GIGYF2: variants seen among roughly 807,000 people sequenced by gnomAD.
The protein encoded by GIGYF2 is GRB10-interacting GYF protein 2.
GIGYF2 carries 25 observed loss-of-function variants against 208.1 expected under a neutral mutation model. The ratio of observed to expected loss-of-function variants is 0.12; its 90% CI spans 0.09 to 0.17. The LOEUF is 0.17. GIGYF2 is among the 10% of genes least tolerant of loss of function. GIGYF2 has a pLI of 1.00. For synonymous variants in GIGYF2, 534 were observed against 543.8 expected (o/e 0.98, Z 0.25); for missense variants, 1,302 against 1,579.4 (o/e 0.82, Z 2.98).
At chr2:232,752,875 C>G (rs12990821) in intron 5 of GIGYF2, among the ~76,000 whole-genome samples, 48,060 of 151,836 alleles carry the variant, frequency 0.32, 7,967 homozygotes, top group South Asian at 0.62. Flanking sequence ...GTATATATAC[C>G]TAACAAAATT....
chr2:232,722,403 C>T (rs1696985662), intron 2 of GIGYF2, among the ~76,000 whole-genome samples: 1 of 152,086 alleles, frequency 6.6e-6, no homozygotes, highest in Non-Finnish European at 1.5e-5. Context: ...CTGATGAGAA[C>T]AGCATGGGGG....
Position 232,812,393 on chromosome 2 carries a change from T to C in GIGYF2, c.2009T>C (p.Ile670Thr). ...AATTTTTTATTTCCCTTTTGCAGAA[T>C]ATCTGATCAGAACATCATTCCCTCA... ...LQQFQTLKMR[I>T]SDQNIIPSVT... is the part of the protein sequence containing the mutation. The change falls in exon 18 of 29, where the codon ATA becomes ACA. Residue 670 changes from isoleucine (I) to threonine (T), a missense_variant and splice_region_variant. Ile to Thr is a moderately conservative substitution (Grantham distance 89, BLOSUM62 -1). Around this residue, in one of 8 missense-constraint regions of GIGYF2, gnomAD observed 701 missense variants for 793.0 expected, o/e 0.88. Coordinates refer to ENST00000373563, the MANE Select transcript of GIGYF2 (RefSeq NM_001103146.3). The C allele has an allele frequency of 7.8e-7, 1 of 1,289,780 alleles. No individual in the cohort carries two copies. The highest frequency in any genetic ancestry group is 1.1e-6 in the Non-Finnish European group (1 of 884,212). 79.9% of individuals were successfully genotyped at this position (1,289,780 alleles called of 1,614,324 possible).
At chr2:232,827,614 T>A (rs1248332523) in intron 21 of GIGYF2, among the ~76,000 whole-genome samples, 2 of 152,212 alleles carry the variant, frequency 1.3e-5, no homozygotes, top group African/African-American at 4.8e-5. Flanking sequence ...TAGTTTGTGT[T>A]CCGTTTATCA....
At chr2:232,729,135 C>A (rs561101589) in intron 2 of GIGYF2, among the ~76,000 whole-genome samples, 1 of 152,098 alleles carries the variant, frequency 6.6e-6, no homozygotes, top group South Asian at 2.1e-4. Flanking sequence ...CATACCACCA[C>A]GCGTGACTAA....
At position 232,860,457 on chromosome 2, in the gene GIGYF2, A is replaced by G. The variant is rs535540928; in HGVS notation, c.*3597A>G. ...TTTTCAATATATATATAATATATACATATATGTTATATACGTATATATATT... is the reference window on the plus strand; with the variant it reads ...TTTTCAATATATATATAATATATACGTATATGTTATATACGTATATATATT... On this transcript the variant is annotated 3_prime_UTR_variant, in exon 29 of 29. Coordinates refer to ENST00000373563, the MANE Select transcript of GIGYF2 (RefSeq NM_001103146.3). 1.8e-4 allele frequency: 27 copies of G among 149,682 alleles called. No individual in the cohort carries two copies. Among genetic ancestry groups the G allele is most frequent in the African/African-American group, 5.6e-4 (23 of 41,070 alleles). 9.3% of individuals were successfully genotyped at this position (149,682 alleles called of 1,614,324 possible). A position where few individuals can be genotyped will look rare whatever the true frequency, so the allele number is the denominator to read the frequency against.
At chr2:232,733,877 G>A (rs1159904280) in intron 2 of GIGYF2, among the ~76,000 whole-genome samples, 4 of 152,118 alleles carry the variant, frequency 2.6e-5, no homozygotes, top group Admixed American at 2.6e-4. Context: ...TGGTACAGAC[G>A]CAATTAAAAA....
At chr2:232,850,232 G>A in intron 27 of GIGYF2, 30 bp from the exon 28 acceptor site, 1 of 1,601,214 alleles carries the variant, frequency 6.2e-7, no homozygotes, top group Non-Finnish European at 8.6e-7. Context: ...AATCTGCTGT[G>A]TAATCTCAGT....
intron 8 of GIGYF2, among the ~76,000 whole-genome samples, chr2:232,771,642 A>G (rs1699250162): frequency 6.6e-6 from 1 of 152,214 alleles, no homozygotes; most frequent in Admixed American, 6.5e-5. Context: ...TTTTCTAAGT[A>G]TATTTTAGAA....
chr2:232,751,712 C>G (rs965604109), intron 5 of GIGYF2, among the ~76,000 whole-genome samples: 3 of 152,002 alleles, frequency 2.0e-5, no homozygotes, highest in African/African-American at 7.2e-5. Flanking sequence ...CTACTAGTTA[C>G]CAAAATGTGG....
chr2:232,819,376 G>A (rs1701008614), intron 20 of GIGYF2, among the ~76,000 whole-genome samples: 1 of 152,102 alleles, frequency 6.6e-6, no homozygotes, highest in East Asian at 1.9e-4. Flanking sequence ...TGGGACACAT[G>A]GCTTTACTCA....
intron 21 of GIGYF2, 24 bp from the exon 22 acceptor site, chr2:232,832,833 T>A: frequency 6.7e-7 from 1 of 1,502,912 alleles, no homozygotes; most frequent in Non-Finnish European, 9.0e-7. Context: ...AATTTTTATA[T>A]CTTTAATTTT....
At chr2:232,829,823 GGC>G (rs1423908660) in intron 21 of GIGYF2, among the ~76,000 whole-genome samples, 3 of 152,214 alleles carry the variant, frequency 2.0e-5, no homozygotes, top group Non-Finnish European at 4.4e-5. Flanking sequence ...AGTGCCCTTA[GGC>G]AAAACATAAA....
In GIGYF2 at chr2:232,847,353, A is replaced by G. The variant is rs1702041701; in HGVS notation, c.3466A>G (p.Thr1156Ala). The change falls in exon 27 of 29, where the codon ACA (threonine) becomes GCA (alanine). Residue 1156 changes from threonine to alanine, a missense_variant. By Grantham distance (58) the Thr-to-Ala change is moderately conservative (BLOSUM62 0). Around this residue, in one of 8 missense-constraint regions of GIGYF2, gnomAD observed 701 missense variants for 793.0 expected, o/e 0.88. Coordinates refer to ENST00000373563, the MANE Select transcript of GIGYF2 (RefSeq NM_001103146.3). ...LNTANNLDVPTFVSFLKEVES... is the reference protein window; with the variant it reads ...LNTANNLDVPAFVSFLKEVES... ...TCTCCCCTCCCGTTTTGCAGTTCCCACATTTGTTTCTTTCCTGAAAGAAGT... is the reference window on the plus strand; with the variant it reads ...TCTCCCCTCCCGTTTTGCAGTTCCCGCATTTGTTTCTTTCCTGAAAGAAGT... The G allele has an allele frequency of 6.2e-7, 1 of 1,611,244 alleles. No homozygotes were observed. The highest frequency in any genetic ancestry group is 8.5e-7 in the Non-Finnish European group (1 of 1,178,008).
In GIGYF2 at chr2:232,816,968, T is replaced by C. The variant is rs1262978045; in HGVS notation, c.2306T>C (p.Leu769Pro). ...EELRRQQEEI[L>P]RRQQEEERKR... Reference sequence around the variant, plus strand: ...CTCCGAAGACAACAGGAGGAAATTCTTCGGCGACAGCAGGAAGAAGAAAGG... The same window carrying C: ...CTCCGAAGACAACAGGAGGAAATTCCTCGGCGACAGCAGGAAGAAGAAAGG... Residue 769 changes from leucine to proline, a missense_variant, in exon 20 of 29, where the codon CTT becomes CCT. Physicochemically the swap from Leu to Pro is moderately conservative, Grantham distance 98. This residue lies in a region of GIGYF2 where 701 missense variants were observed against 793.0 expected (regional missense o/e 0.88). Coordinates refer to ENST00000373563, the MANE Select transcript of GIGYF2 (RefSeq NM_001103146.3). The C allele has an allele frequency of 6.2e-7, 1 of 1,613,372 alleles. No individual in the cohort carries two copies. The highest frequency in any genetic ancestry group is 8.5e-7 in the Non-Finnish European group (1 of 1,179,474).
chr2:232,702,188 C>T (rs1342552746), intron 1 of GIGYF2, among the ~76,000 whole-genome samples: 1 of 152,082 alleles, frequency 6.6e-6, no homozygotes, highest in African/African-American at 2.4e-5. Context: ...CCTGTAATCC[C>T]AGCACTCTGG....
chr2:232,737,139 T>A (rs1487311297), intron 3 of GIGYF2, among the ~76,000 whole-genome samples: 1 of 152,246 alleles, frequency 6.6e-6, no homozygotes, highest in East Asian at 1.9e-4. Context: ...AGCCTAAACA[T>A]TAATTCTCTG....
rs1383467796 is a variant in GIGYF2 at position 232,832,862 on chromosome 2, G to A, written c.2535G>A (p.Glu845=). The A allele has an allele frequency of 1.3e-6, 2 of 1,551,788 alleles. No homozygotes were observed. Among genetic ancestry groups the A allele is most frequent in the African/African-American group, 2.7e-5 (2 of 73,006 alleles). ...KQEELLRKQE[E]EAAKWAREEE... is the part of the protein sequence containing the mutation. ...TAATTTTTCCTTCTGGAAAGGAAGA[G>A]GAGGCTGCAAAATGGGCCCGGGAAG... The change falls in exon 22 of 29, where the codon GAG becomes GAA. Residue 845 remains glutamate, a synonymous_variant. Transcript: ENST00000373563.
At chr2:232,830,049 A>G (rs1014979101) in intron 21 of GIGYF2, among the ~76,000 whole-genome samples, 4 of 152,010 alleles carry the variant, frequency 2.6e-5, no homozygotes, top group African/African-American at 9.7e-5. Flanking sequence ...GTGTGATTAT[A>G]ACTCACTACA....
chr2:232,710,607 A>T (rs1399559540), intron 2 of GIGYF2, among the ~76,000 whole-genome samples: 1 of 152,112 alleles, frequency 6.6e-6, no homozygotes, highest in Non-Finnish European at 1.5e-5. Flanking sequence ...CCAAAATGTG[A>T]AAAGTCTTTC....
Sources: gnomAD v4.1 joint callset for allele counts (sites outside exome capture counted in the v4.1 genomes callset) on GRCh38, gnomAD v4.1.1 for gene constraint, gnomAD v4.1.1 regional missense constraint, MANE v1.5 for transcripts, NCBI Gene and HGNC (gene_info 2026-07-23, HGNC 2026-07-21) for gene names.